Variants in SH3RF3 observed in about 807,000 individuals in gnomAD.
SH3RF3 encodes SH3 domain containing ring finger 3.
In SH3RF3, 29 loss-of-function variants were observed where a neutral mutation model predicts 66.3. The ratio of observed to expected loss-of-function variants is 0.44; its 90% CI spans 0.33 to 0.60. The LOEUF (loss-of-function observed/expected upper bound fraction) is 0.60, where lower values mean the gene tolerates loss of function less well. SH3RF3 is among the 20% of genes least tolerant of loss of function. The probability of loss-of-function intolerance (pLI) is 0.04; values close to 1 mark genes in which losing one functional copy is unlikely to be tolerated. For missense variants in SH3RF3, 1,194 were observed against 1,190.9 expected (o/e 1.00, Z -0.04); for synonymous variants, 583 against 532.0 (o/e 1.10, Z -1.32).
chr2:109,251,995 C>T (rs1680103879), intron 1 of SH3RF3, among the ~76,000 whole-genome samples: 1 of 152,118 alleles, frequency 6.6e-6, no homozygotes, highest in African/African-American at 2.4e-5. Flanking sequence ...ATAATCCCAC[C>T]ACTTTGGGAG....
chr2:109,273,940 C>G (rs549094502), intron 1 of SH3RF3, among the ~76,000 whole-genome samples: 1 of 152,072 alleles, frequency 6.6e-6, no homozygotes, highest in Admixed American at 6.5e-5. Flanking sequence ...TGCTTTAGGG[C>G]TATGTGACTT....
intron 1 of SH3RF3, among the ~76,000 whole-genome samples, chr2:109,198,039 G>C (rs1394628603): frequency 2.0e-5 from 3 of 152,176 alleles, no homozygotes; most frequent in African/African-American, 7.2e-5. Flanking sequence ...CAGCAGAGTT[G>C]TGGCTAAGCC....
intron 1 of SH3RF3, among the ~76,000 whole-genome samples, chr2:109,317,950 G>C (rs1338089194): frequency 6.6e-6 from 1 of 152,074 alleles, no homozygotes; most frequent in African/African-American, 2.4e-5. Flanking sequence ...CAACTCTGCC[G>C]CTTGTCCTGA....
intron 2 of SH3RF3, among the ~76,000 whole-genome samples, chr2:109,358,794 C>G (rs1340816712): frequency 6.6e-6 from 1 of 152,212 alleles, no homozygotes; most frequent in Non-Finnish European, 1.5e-5. Context: ...TTAATGAAGT[C>G]TAACTTATCA....
intron 8 of SH3RF3, among the ~76,000 whole-genome samples, chr2:109,482,413 G>A (rs957302901): frequency 6.6e-6 from 1 of 152,206 alleles, no homozygotes; most frequent in Non-Finnish European, 1.5e-5. Flanking sequence ...AGCTCCATCT[G>A]TTGCCAAAGC....
chr2:109,387,430 C>T (rs892741190), intron 3 of SH3RF3, among the ~76,000 whole-genome samples: 1 of 152,130 alleles, frequency 6.6e-6, no homozygotes, highest in Non-Finnish European at 1.5e-5. Flanking sequence ...CTTATTTCTG[C>T]CCATGTGTCT....
At position 109,371,830 on chromosome 2, in the gene SH3RF3, C is replaced by G. The variant is rs554601179; in HGVS notation, c.945+149C>G. On this transcript the variant is annotated intron_variant, in intron 3 of 9. Coordinates refer to ENST00000309415, the MANE Select transcript of SH3RF3 (RefSeq NM_001099289.3). Reference sequence around the variant, plus strand: ...TGGCCAGAGAGCTGCTATGTGTGGGCTTTGATTCACCTCATGGGGTCAGTG... The same window carrying G: ...TGGCCAGAGAGCTGCTATGTGTGGGGTTTGATTCACCTCATGGGGTCAGTG... The G allele has an allele frequency of 3.7e-5, 26 of 704,250 alleles. No homozygotes were observed. The African/African-American group carries it at 3.9e-4, about 11-fold the overall frequency. The allele number at this position is 704,250 out of a possible 1,614,324, so 43.6% of individuals were successfully genotyped here. A position where few individuals can be genotyped will look rare whatever the true frequency, so the allele number is the denominator to read the frequency against.
intron 8 of SH3RF3, among the ~76,000 whole-genome samples, chr2:109,453,513 G>A: frequency 6.6e-6 from 1 of 152,192 alleles, no homozygotes; most frequent in East Asian, 1.9e-4. Context: ...AAGTCCAGGG[G>A]AGAGTCACCC....
chr2:109,390,940 G>A (rs1428062131), intron 3 of SH3RF3, among the ~76,000 whole-genome samples: 1 of 152,188 alleles, frequency 6.6e-6, no homozygotes, highest in African/African-American at 2.4e-5. Context: ...GGGTAGGCGG[G>A]CAGGTTCCAC....
chr2:109,171,593 G>A (rs1234987956), intron 1 of SH3RF3, among the ~76,000 whole-genome samples: 5 of 152,304 alleles, frequency 3.3e-5, no homozygotes, highest in East Asian at 1.9e-4. Flanking sequence ...TTTCCTTCTC[G>A]CCGCCCCTGG....
chr2:109,296,541 C>T (rs574168419), intron 1 of SH3RF3, among the ~76,000 whole-genome samples: 1 of 152,278 alleles, frequency 6.6e-6, no homozygotes, highest in South Asian at 2.1e-4. Flanking sequence ...TGTGCCCAGC[C>T]TTCAGAATGA....
In SH3RF3 at chr2:109,495,066, G is replaced by T. The variant is rs372992007; in HGVS notation, c.2480+4130G>T. The stretch of plus-strand genomic sequence containing the variant: ...GTAGACTTATGAGCCAAGCCCACGA[G>T]CCTGGGGTGTAAGTCACCTAGAGGG... On this transcript the variant is annotated intron_variant, in intron 9 of 9. Coordinates refer to ENST00000309415, the MANE Select transcript of SH3RF3 (RefSeq NM_001099289.3). 7.2e-5 allele frequency among the ~76,000 whole-genome samples: 11 copies of T among 152,314 alleles called. No individual in the cohort carries two copies. The East Asian group carries it at 1.9e-3, about 27-fold the overall frequency.
At chr2:109,471,471 C>T (rs1220436876) in intron 8 of SH3RF3, among the ~76,000 whole-genome samples, 2 of 152,144 alleles carry the variant, frequency 1.3e-5, no homozygotes, top group African/African-American at 4.8e-5. Flanking sequence ...AGAAACTGCC[C>T]CCGTGATCTA....
At chr2:109,379,188 T>C (rs1376316824) in intron 3 of SH3RF3, among the ~76,000 whole-genome samples, 2 of 152,200 alleles carry the variant, frequency 1.3e-5, no homozygotes, top group African/African-American at 4.8e-5. Flanking sequence ...AGGGTAAAAA[T>C]GTTACCCATC....
At chr2:109,279,793 G>C (rs146262772) in intron 1 of SH3RF3, among the ~76,000 whole-genome samples, 2 of 152,176 alleles carry the variant, frequency 1.3e-5, no homozygotes, top group African/African-American at 2.4e-5. Flanking sequence ...GAGCCAGGCC[G>C]GGCAAGAAGA....
intron 2 of SH3RF3, among the ~76,000 whole-genome samples, chr2:109,371,348 C>T (rs1361261846): frequency 6.6e-6 from 1 of 152,248 alleles, no homozygotes; most frequent in Non-Finnish European, 1.5e-5. Flanking sequence ...GGAGATTGCG[C>T]CACTGCACTC....
At chr2:109,352,461 C>T (rs1005553747) in intron 2 of SH3RF3, among the ~76,000 whole-genome samples, 5 of 152,168 alleles carry the variant, frequency 3.3e-5, no homozygotes, top group Non-Finnish European at 5.9e-5. Flanking sequence ...CAGAGCCAGG[C>T]GATGGGCAAG....
At chr2:109,147,859 A>G (rs1043609605) in intron 1 of SH3RF3, among the ~76,000 whole-genome samples, 3 of 152,240 alleles carry the variant, frequency 2.0e-5, no homozygotes, top group African/African-American at 4.8e-5. Flanking sequence ...GCATTTCCAT[A>G]TATACATATA....
chr2:109,372,778 C>T (rs769305900), intron 3 of SH3RF3, among the ~76,000 whole-genome samples: 10 of 152,194 alleles, frequency 6.6e-5, no homozygotes, highest in African/African-American at 2.4e-4. Flanking sequence ...CAGTGCTGGG[C>T]TCCATGTGTC....
Sources: allele counts gnomAD v4.1 joint callset (sites outside exome capture counted in the v4.1 genomes callset), GRCh38; gene constraint gnomAD v4.1.1; transcripts MANE v1.5; gene names NCBI Gene and HGNC (gene_info 2026-07-23, HGNC 2026-07-21).